Variants in DHRS12 observed in about 807,000 individuals in gnomAD.
DHRS12 encodes dehydrogenase/reductase 12.
DHRS12 carries 29 observed loss-of-function variants against 32.1 expected under a neutral mutation model. The observed-to-expected ratio is 0.90, with a 90% CI of 0.67 to 1.23. The LOEUF is 1.23. Among genes scored for constraint, DHRS12 ranks in the 50% most tolerant of loss-of-function variants. The pLI, the probability that DHRS12 is intolerant of heterozygous loss-of-function variation, is 0.00. For missense variants in DHRS12, 330 were observed against 337.2 expected, an observed-to-expected ratio of 0.98 and a Z score of 0.17; for synonymous variants, 150 against 135.9, an observed-to-expected ratio of 1.10 and a Z score of -0.72.
rs746973880 is a variant in DHRS12 at position 51,771,303 on chromosome 13, T to C, written c.559+518A>G. 2.9e-5 allele frequency: 45 copies of C among 1,569,886 alleles called. No individual in the cohort carries two copies. The highest frequency in any genetic ancestry group is 3.7e-5 in the Non-Finnish European group (43 of 1,155,618). On this transcript the variant is annotated intron_variant, in intron 7 of 8. Coordinates refer to ENST00000444610, the MANE Select transcript of DHRS12 (RefSeq NM_001377533.1). ...AGCCCAGGTGAGCTGCCTGAGGTCA[T>C]GGAGTTGGTGAGGCCAATCCGGAAG...
chr13:51,756,262 G>C, the DHRS12 span: 1 of 1,548,918 alleles, frequency 6.5e-7, no homozygotes, highest in Non-Finnish European at 8.7e-7. Flanking sequence ...TCTGCCAGGA[G>C]GGGTGAGATG....
At chr13:51,788,925 T>A (rs1302343257) in intron 4 of DHRS12, among the ~76,000 whole-genome samples, 1 of 152,028 alleles carries the variant, frequency 6.6e-6, no homozygotes, top group Non-Finnish European at 1.5e-5. Context: ...GTTCTGCTCC[T>A]CCCCTTCTCC....
At chr13:51,766,431 C>CT (rs901624908), downstream of DHRS12, 4 of 152,260 alleles carry the variant, frequency 2.6e-5, no homozygotes, top group Admixed American at 6.5e-5. Context: ...CTTTTTCTTT[C>CT]TTTTTTTAAA....
chr13:51,767,663 T>G (rs1953792561), downstream of DHRS12: 1 of 154,750 alleles, frequency 6.5e-6, no homozygotes, highest in South Asian at 2.0e-4. Flanking sequence ...ACTCCTAATC[T>G]TAAGCAAATG....
Position 51,779,009 on chromosome 13 carries a change from A to C in DHRS12, c.302-1888T>G, listed in dbSNP as rs570328065. Among the ~76,000 whole-genome samples the C allele has an allele frequency of 1.3e-3, 200 of 152,292 alleles. 1 individual carries two copies. The highest frequency in any genetic ancestry group is 4.0e-4 in the Non-Finnish European group (27 of 68,010). The stretch of plus-strand genomic sequence containing the variant: ...CCCAGAGAGGTTCAGTGACTTATCC[A>C]AAGTCCCAGCAAGTTCATACAATGT... On this transcript the variant is annotated intron_variant, in intron 4 of 8. Coordinates refer to ENST00000444610, the MANE Select transcript of DHRS12 (RefSeq NM_001377533.1).
intron 4 of DHRS12, among the ~76,000 whole-genome samples, chr13:51,778,774 C>T (rs1052933376): frequency 6.6e-6 from 1 of 152,006 alleles, no homozygotes; most frequent in African/African-American, 2.4e-5. Context: ...CTGGCTGGGT[C>T]GCTTGTCCCT....
intron 4 of DHRS12, among the ~76,000 whole-genome samples, chr13:51,783,554 T>C (rs529335045): frequency 1.3e-5 from 2 of 152,286 alleles, no homozygotes; most frequent in East Asian, 1.9e-4. Flanking sequence ...GATGCAGTCA[T>C]GTAACTACGC....
chr13:51,763,838 A>T (rs952517596), downstream of DHRS12: 2 of 152,198 alleles, frequency 1.3e-5, no homozygotes, highest in Admixed American at 1.3e-4. Context: ...GATATTAATC[A>T]CTTCTTAAGG....
In DHRS12 at chr13:51,777,034, C is replaced by G. The variant is rs375102920; in HGVS notation, c.363+26G>C. On this transcript the variant is annotated intron_variant, in intron 5 of 8. Transcript: ENST00000444610. ...CATCAGGAGCAAAGTCCATTATCCT[C>G]AAAACATCCCATAAGGTCAACTCAC... 1.1e-5 allele frequency: 18 copies of G among 1,613,950 alleles called. No homozygotes were observed. The African/African-American group carries it at 2.3e-4, about 20-fold the overall frequency.
At chr13:51,760,013 C>T in the DHRS12 span, 1 of 429,680 alleles carries the variant, frequency 2.3e-6, no homozygotes, top group African/African-American at 2.0e-5. Flanking sequence ...TTTATACAGT[C>T]TGGCTGTGCT....
intron 5 of DHRS12, chr13:51,775,979 A>AT (rs780054723): frequency 1.1e-3 from 128 of 117,660 alleles, no homozygotes; most frequent in African/African-American, 3.2e-3. Flanking sequence ...ATTCTCCTAC[A>AT]GTATTCTCCT....
At chr13:51,788,217 G>A (rs1955084834) in intron 4 of DHRS12, among the ~76,000 whole-genome samples, 1 of 152,004 alleles carries the variant, frequency 6.6e-6, no homozygotes, top group Non-Finnish European at 1.5e-5. Flanking sequence ...GCGGAACAGT[G>A]CCTCGGGGCC....
intron 8 of DHRS12, 199 bp downstream of exon 8, chr13:51,768,957 A>G: frequency 7.1e-7 from 1 of 1,404,596 alleles, no homozygotes; most frequent in South Asian, 1.6e-5. Flanking sequence ...ACAAGTCTCC[A>G]AAGAAGCTAC....
Position 51,802,393 on chromosome 13 carries a change from T to C in DHRS12, c.-9+1661A>G, listed in dbSNP as rs114347178. Among the ~76,000 whole-genome samples, 645 of 152,356 alleles carry C rather than the reference T, an allele frequency of 4.2e-3. 8 individuals are homozygous for C. Among genetic ancestry groups the C allele is most frequent in the African/African-American group, 0.015 (625 of 41,576 alleles). ...CCTGTGGTTTCATGTGCCTTGCCAG[T>C]GATTTTGACTCAAGCTGAGAGGACA... On this transcript the variant is annotated intron_variant, in intron 1 of 8. Transcript: ENST00000444610.
At position 51,782,393 on chromosome 13, in the gene DHRS12, A is replaced by G. The variant is rs9535758; in HGVS notation, c.302-5272T>C. Among the ~76,000 whole-genome samples, 1 of 152,056 alleles carries G rather than the reference A, an allele frequency of 6.6e-6. No individual in the cohort carries two copies. Among genetic ancestry groups the G allele is most frequent in the Non-Finnish European group, 1.5e-5 (1 of 67,982 alleles). On this transcript the variant is annotated intron_variant, in intron 4 of 8. Coordinates refer to ENST00000444610, the MANE Select transcript of DHRS12 (RefSeq NM_001377533.1). The surrounding 1 kb of genome is among the most constrained non-coding windows in gnomAD (Gnocchi z 4.2). The stretch of plus-strand genomic sequence containing the variant: ...GGCTAAGGAGGTTGAGAAGGAGCCA[A>G]CCTCCGAGGGTGGAATCACAGGTGG...
At chr13:51,803,974 G>A in intron 1 of DHRS12, 80 bp downstream of exon 1, 3 of 1,257,078 alleles carry the variant, frequency 2.4e-6, no homozygotes, top group Admixed American at 8.5e-5. Context: ...CCGCGGGCGC[G>A]TCCCCGCCAA....
the DHRS12 span, chr13:51,762,649 G>A: frequency 6.6e-6 from 1 of 152,212 alleles, no homozygotes; most frequent in Non-Finnish European, 1.5e-5. Flanking sequence ...CATTCCTTAG[G>A]AGTAAAAGCT....
intron 4 of DHRS12, among the ~76,000 whole-genome samples, chr13:51,783,176 G>C (rs1384301013): frequency 1.3e-5 from 2 of 152,184 alleles, no homozygotes; most frequent in Non-Finnish European, 2.9e-5. Context: ...CTCTCCTTAG[G>C]ACGGCTCCCC....
intron 4 of DHRS12, among the ~76,000 whole-genome samples, chr13:51,787,400 C>A (rs1241236096): frequency 6.6e-6 from 1 of 152,098 alleles, no homozygotes; most frequent in Non-Finnish European, 1.5e-5. Flanking sequence ...CAAACCCCAG[C>A]CCAGCCTTCC....
Sources: gnomAD v4.1 joint callset for allele counts (sites outside exome capture counted in the v4.1 genomes callset) on GRCh38, gnomAD v4.1.1 for gene constraint, Gnocchi (gnomAD v3.1) non-coding constraint, MANE v1.5 for transcripts, NCBI Gene and HGNC (gene_info 2026-07-23, HGNC 2026-07-21) for gene names.